PNPLA8: variants seen among roughly 807,000 people sequenced by gnomAD.
PNPLA8 encodes the protein patatin like domain 8, phospholipase A2.
Under a neutral mutation model 76.9 loss-of-function variants are expected in PNPLA8, and 39 were observed. That is an observed-to-expected ratio of 0.51 (90% CI 0.39 to 0.66). The LOEUF (loss-of-function observed/expected upper bound fraction) is 0.66, where lower values mean the gene tolerates loss of function less well. Among genes scored for constraint, PNPLA8 ranks in the 30% least tolerant of loss-of-function variants. PNPLA8 has a pLI of 0.00. For missense variants in PNPLA8, 887 were observed against 918.0 expected (o/e 0.97, Z 0.44); for synonymous variants, 301 against 307.9 (o/e 0.98, Z 0.24).
intron 10 of PNPLA8, among the ~76,000 whole-genome samples, chr7:108,478,565 T>C (rs554389705): frequency 6.6e-6 from 1 of 152,192 alleles, no homozygotes; most frequent in African/African-American, 2.4e-5. Flanking sequence ...TAATTTTTTG[T>C]ATTTTCAGTA....
Position 108,496,643 on chromosome 7 carries a change from T to C in PNPLA8, c.1566A>G (p.Thr522=). 1 of 1,611,260 alleles carries C rather than the reference T, an allele frequency of 6.2e-7. No individual in the cohort carries two copies. The highest frequency in any genetic ancestry group is 8.5e-7 in the Non-Finnish European group (1 of 1,178,804). ...DVFSQNVIVG[T]VKMSWSHAFY... ...ATGCATGGCTCCAACTCATTTTTAC[T>C]GTTCCAACAATGACATTTTGTGAAA... Residue 522 remains threonine (T), a synonymous_variant, in exon 7 of 11, where the codon ACA becomes ACG. Coordinates refer to ENST00000257694, the MANE Select transcript of PNPLA8 (RefSeq NM_001256007.3).
chr7:108,527,407 G>T (rs945934858), upstream of PNPLA8, among the ~76,000 whole-genome samples: 1 of 152,220 alleles, frequency 6.6e-6, no homozygotes, highest in Admixed American at 6.5e-5. Context: ...CTACAGGAGA[G>T]TTAAAAGATG....
chr7:108,510,240 G>C (rs1374559266), intron 4 of PNPLA8: 3 of 1,410,732 alleles, frequency 2.1e-6, no homozygotes, highest in South Asian at 1.2e-5. Context: ...ACCATGGTGG[G>C]TGTAGAAGAG....
chr7:108,510,265 T>C (rs967172279), intron 4 of PNPLA8: 16 of 1,568,108 alleles, frequency 1.0e-5, no homozygotes, highest in African/African-American at 6.8e-5. Flanking sequence ...AGAAGGTTCC[T>C]GCTGTGCCAG....
At chr7:108,513,332 T>C (rs1204446065) in intron 4 of PNPLA8, among the ~76,000 whole-genome samples, 2 of 152,124 alleles carry the variant, frequency 1.3e-5, no homozygotes, top group Non-Finnish European at 2.9e-5. Flanking sequence ...AAGCTACCTA[T>C]AATAATGTAT....
intron 9 of PNPLA8, among the ~76,000 whole-genome samples, chr7:108,486,530 C>A (rs1045831350): frequency 2.0e-5 from 3 of 152,026 alleles, no homozygotes; most frequent in African/African-American, 7.2e-5. Context: ...AATAATTCAA[C>A]AATGACTGAT....
chr7:108,484,320 CTATTCTA>C (rs1563939004), intron 9 of PNPLA8, among the ~76,000 whole-genome samples: 1 of 152,134 alleles, frequency 6.6e-6, no homozygotes, highest in Non-Finnish European at 1.5e-5. Context: ...TGTCAGATGG[CTATTCTA>C]TCAGTAGGTC....
intron 10 of PNPLA8, among the ~76,000 whole-genome samples, chr7:108,475,844 AT>A (rs1384540020): frequency 6.6e-6 from 1 of 152,154 alleles, no homozygotes; most frequent in Non-Finnish European, 1.5e-5. Context: ...CTGTTTTCTC[AT>A]GTCTGAAAAT....
intron 10 of PNPLA8, among the ~76,000 whole-genome samples, chr7:108,474,237 C>A (rs1859821025): frequency 6.6e-6 from 1 of 152,022 alleles, no homozygotes. Context: ...AAAATCTTTA[C>A]CCAAGGTCAT....
At chr7:108,485,745 C>T (rs1490073255) in intron 9 of PNPLA8, among the ~76,000 whole-genome samples, 8 of 151,994 alleles carry the variant, frequency 5.3e-5, no homozygotes, top group Non-Finnish European at 1.2e-4. Context: ...TGAAAAATAT[C>T]CCATTTCTTC....
In PNPLA8 at chr7:108,515,436, CT is replaced by C. The variant is rs1863267269; in HGVS notation, c.55del (p.Ser19ValfsTer23). On this transcript the variant is annotated frameshift_variant, in exon 3 of 11. Coordinates refer to ENST00000257694, the MANE Select transcript of PNPLA8 (RefSeq NM_001256007.3). LOFTEE classifies it high-confidence loss of function. Reference sequence around the variant, plus strand: ...CTTGCTTCTCTGCTTCCCACAAACACTTCTTGCATTACTAAGGAGGTAAATA... The same window carrying C: ...CTTGCTTCTCTGCTTCCCACAAACACTCTTGCATTACTAAGGAGGTAAATA... ...IYIYLLSNAR[S>X]VCGKQRSKQL... 1.2e-6 allele frequency: 2 copies of C among 1,603,556 alleles called. No homozygotes were observed. Among genetic ancestry groups the C allele is most frequent in the Admixed American group, 3.5e-5 (2 of 57,674 alleles).
Position 108,490,652 on chromosome 7 carries a change from C to T in PNPLA8, c.1683+758G>A, listed in dbSNP as rs553297647. Among the ~76,000 whole-genome samples the T allele has an allele frequency of 8.5e-3, 1,295 of 151,864 alleles. 28 individuals carry two copies. The highest frequency in any genetic ancestry group is 0.03 in the African/African-American group (1,228 of 41,458). The stretch of plus-strand genomic sequence containing the variant: ...ACAAAAAATTAGCCGGGCGTGGTGG[C>T]GGCTGCCTATAGTCCCAGCTACTTG... On this transcript the variant is annotated intron_variant, in intron 8 of 10. Coordinates refer to ENST00000257694, the MANE Select transcript of PNPLA8 (RefSeq NM_001256007.3).
chr7:108,516,435 T>C (rs1337861215), intron 2 of PNPLA8, among the ~76,000 whole-genome samples: 1 of 152,040 alleles, frequency 6.6e-6, no homozygotes, highest in African/African-American at 2.4e-5. Flanking sequence ...TTTATACCTA[T>C]CAAAAAAATT....
chr7:108,498,515 C>T (rs1223367066), intron 5 of PNPLA8, among the ~76,000 whole-genome samples: 1 of 151,650 alleles, frequency 6.6e-6, no homozygotes, highest in African/African-American at 2.4e-5. Context: ...CCTCATGATC[C>T]ACCCGCCTCA....
intron 10 of PNPLA8, among the ~76,000 whole-genome samples, chr7:108,473,235 A>G (rs1859748981): frequency 6.6e-6 from 1 of 152,208 alleles, no homozygotes; most frequent in African/African-American, 2.4e-5. Context: ...AGATTCATCC[A>G]TGTTGTAGCA....
At chr7:108,514,099 A>G in intron 4 of PNPLA8, 45 bp downstream of exon 4, 1 of 1,332,836 alleles carries the variant, frequency 7.5e-7, no homozygotes, top group Non-Finnish European at 1.0e-6. Flanking sequence ...TTTTTTTAGT[A>G]CTTCTATTCC....
intron 5 of PNPLA8, among the ~76,000 whole-genome samples, chr7:108,502,053 A>C (rs1448211852): frequency 1.3e-5 from 2 of 152,190 alleles, no homozygotes; most frequent in East Asian, 3.8e-4. Context: ...GTATTAATTA[A>C]AACAATTTCA....
chr7:108,482,059 T>C (rs1360973872), intron 9 of PNPLA8, among the ~76,000 whole-genome samples: 1 of 151,628 alleles, frequency 6.6e-6, no homozygotes, highest in Non-Finnish European at 1.5e-5. Context: ...TTTAATTCTA[T>C]TTATCTACAT....
chr7:108,494,548 T>A (rs185226145), intron 7 of PNPLA8, among the ~76,000 whole-genome samples: 1 of 152,350 alleles, frequency 6.6e-6, no homozygotes, highest in East Asian at 1.9e-4. Context: ...TGATTTTTTT[T>A]TATAACTGCA....
Sources: gnomAD v4.1 joint callset for allele counts (sites outside exome capture counted in the v4.1 genomes callset) on GRCh38, gnomAD v4.1.1 for gene constraint, MANE v1.5 for transcripts, NCBI Gene and HGNC (gene_info 2026-07-23, HGNC 2026-07-21) for gene names.